The following NDUFB6 variants were observed in gnomAD, a reference collection of about 807,000 sequenced individuals.
The protein encoded by NDUFB6 is NADH dehydrogenase [ubiquinone] 1 beta subcomplex subunit 6.
In NDUFB6, 23 loss-of-function variants were observed where a neutral mutation model predicts 17.5. That is an observed-to-expected ratio of 1.31 (90% confidence interval 0.94 to 1.86). The LOEUF is 1.86. Among genes scored for constraint, NDUFB6 ranks in the 40% most tolerant of loss-of-function variants. NDUFB6 has a pLI of 0.00. For missense variants in NDUFB6, 167 were observed against 153.8 expected, an observed-to-expected ratio of 1.09 and a Z score of -0.46; for synonymous variants, 60 against 53.5, an observed-to-expected ratio of 1.12 and a Z score of -0.53.
intron 2 of NDUFB6, among the ~76,000 whole-genome samples, chr9:32,560,839 T>C (rs1821604610): frequency 1.3e-5 from 2 of 152,188 alleles, no homozygotes; most frequent in African/African-American, 2.4e-5. Flanking sequence ...AATAGAATTT[T>C]AAAACTGAAT....
intron 1 of NDUFB6, among the ~76,000 whole-genome samples, chr9:32,572,547 G>A (rs1045417998): frequency 1.3e-5 from 2 of 152,150 alleles, no homozygotes. Context: ...TTAAATCACA[G>A]AATTTTAATT....
rs1441299943 is a variant in NDUFB6, at chr9:32,553,335, C to G, written c.*541G>C. ...TCCGCAGTAGCTGGGACTACAGGAG[C>G]CCGCCACCACGCCCGGCTAATTTTT... On this transcript the variant is annotated 3_prime_UTR_variant, in exon 4 of 4. Coordinates refer to ENST00000379847, the MANE Select transcript of NDUFB6 (RefSeq NM_002493.5). 2 of 168,968 alleles carry G rather than the reference C, an allele frequency of 1.2e-5. No homozygotes were observed. Among genetic ancestry groups the G allele is most frequent in the Admixed American group, 1.2e-4 (2 of 16,638 alleles). The allele number at this position is 168,968 out of a possible 1,614,324, so 10.5% of individuals were successfully genotyped here.
At chr9:32,557,747 G>A (rs950386098) in intron 3 of NDUFB6, among the ~76,000 whole-genome samples, 1 of 151,830 alleles carries the variant, frequency 6.6e-6, no homozygotes, top group African/African-American at 2.4e-5. Context: ...AAAGTGCTGG[G>A]ATTACACGCG....
At chr9:32,570,830 TA>T in intron 2 of NDUFB6, 129 bp downstream of exon 2, 1 of 561,798 alleles carries the variant, frequency 1.8e-6, no homozygotes, top group Non-Finnish European at 3.1e-6. Flanking sequence ...ACCTTTTACC[TA>T]AGAGAATTCA....
rs1238954591 is a variant in NDUFB6, at chr9:32,572,272, A to T, written c.180+609T>A. On this transcript the variant is annotated intron_variant, in intron 1 of 3. Transcript: ENST00000379847. ...GAAAATACCCAGAGGCCTTGAAAAT[A>T]AAGTTCTTGAATGAGTGATTTTCTT... is the stretch of plus-strand genomic sequence containing the variant. 5.9e-5 allele frequency among the ~76,000 whole-genome samples: 9 copies of T among 152,378 alleles called. No homozygotes were observed. The South Asian group carries it at 1.9e-3, about 32-fold the overall frequency.
rs560477530 is a variant in NDUFB6 at position 32,566,232 on chromosome 9, G to A, written c.273+4728C>T. Reference sequence around the variant, plus strand: ...TGTTCAGGTCATAGCTGGTTTTGTGGGTGGTTTTCTTATGGCAGACAACAC... The same window carrying A: ...TGTTCAGGTCATAGCTGGTTTTGTGAGTGGTTTTCTTATGGCAGACAACAC... On this transcript the variant is annotated intron_variant, in intron 2 of 3. Coordinates refer to ENST00000379847, the MANE Select transcript of NDUFB6 (RefSeq NM_002493.5). The A allele has an allele frequency of 1.1e-4, 96 of 904,430 alleles. No homozygotes were observed. In the African/African-American group the frequency reaches 1.2e-3, roughly 11 times the overall value. 56.0% of individuals were successfully genotyped at this position (904,430 alleles called of 1,614,324 possible).
At position 32,563,979 on chromosome 9, in the gene NDUFB6, G is replaced by A. The variant is rs375983975; in HGVS notation, c.274-5025C>T. Among the ~76,000 whole-genome samples, 8 of 152,042 alleles carry A rather than the reference G, an allele frequency of 5.3e-5. No homozygotes were observed. The East Asian group carries it at 7.7e-4, about 15-fold the overall frequency. ...CTCATCTTATACTTTCTCTCCTCCCGCCCTAGAATTGGCCACTGCTCTGAG... is the reference window on the plus strand; with the variant it reads ...CTCATCTTATACTTTCTCTCCTCCCACCCTAGAATTGGCCACTGCTCTGAG... On this transcript the variant is annotated intron_variant, in intron 2 of 3. Coordinates refer to ENST00000379847, the MANE Select transcript of NDUFB6 (RefSeq NM_002493.5).
At chr9:32,562,710 GATCAGGAAATTAACACTC>G (rs1821659738) in intron 2 of NDUFB6, among the ~76,000 whole-genome samples, 3 of 152,084 alleles carry the variant, frequency 2.0e-5, no homozygotes, top group African/African-American at 7.2e-5. Flanking sequence ...CAACTATCAA[GATCAGGAAATTAACACTC>G]ATACATTACT....
intron 2 of NDUFB6, chr9:32,566,279 A>G: frequency 8.7e-7 from 1 of 1,149,050 alleles, no homozygotes; most frequent in South Asian, 1.2e-5. Context: ...TCTCTGAGGT[A>G]GAAAGCAGGC....
chr9:32,559,026 C>T (rs897267702), intron 2 of NDUFB6, 72 bp from the exon 3 acceptor site: 19 of 1,093,968 alleles, frequency 1.7e-5, no homozygotes, highest in Non-Finnish European at 2.6e-5. Context: ...ATAGGTCATA[C>T]CCCAAATTTT....
Position 32,553,167 on chromosome 9 carries a change from G to T in NDUFB6, c.*709C>A. ...TAGTTGGAATAAGCTTTTCAATCAAGTTTCTAAATTCTTCAAAAATGATTC... is the reference window on the plus strand; with the variant it reads ...TAGTTGGAATAAGCTTTTCAATCAATTTTCTAAATTCTTCAAAAATGATTC... On this transcript the variant is annotated 3_prime_UTR_variant, in exon 4 of 4. Coordinates refer to ENST00000379847, the MANE Select transcript of NDUFB6 (RefSeq NM_002493.5). 3.7e-5 allele frequency: 13 copies of T among 354,112 alleles called. No homozygotes were observed. Among genetic ancestry groups the T allele is most frequent in the South Asian group, 3.1e-4 (5 of 16,082 alleles). 21.9% of individuals were successfully genotyped at this position (354,112 alleles called of 1,614,324 possible).
At chr9:32,566,410 A>T in intron 2 of NDUFB6, 2 of 892,548 alleles carry the variant, frequency 2.2e-6, no homozygotes, top group South Asian at 2.6e-5. Context: ...CCAGAAGAGG[A>T]GCCTGCTCTC....
chr9:32,555,628 CAT>C (rs1170105784), intron 3 of NDUFB6, among the ~76,000 whole-genome samples: 2 of 152,214 alleles, frequency 1.3e-5, no homozygotes, highest in Admixed American at 6.5e-5. Context: ...ACAAACCAAA[CAT>C]ATAGTTTACA....
At chr9:32,553,983 G>A (rs1429989477) in intron 3 of NDUFB6, 39 bp from the exon 4 acceptor site, 1 of 1,279,726 alleles carries the variant, frequency 7.8e-7, no homozygotes, top group Non-Finnish European at 1.1e-6. Flanking sequence ...AAAATCTTAA[G>A]TCTACAGAGG....
chr9:32,565,238 A>G (rs1327568431), intron 2 of NDUFB6, among the ~76,000 whole-genome samples: 1 of 151,944 alleles, frequency 6.6e-6, no homozygotes, highest in Admixed American at 6.6e-5. Context: ...GGTCGCAGTG[A>G]GCCGAGATCG....
At chr9:32,569,205 A>G (rs1159182577) in intron 2 of NDUFB6, among the ~76,000 whole-genome samples, 1 of 152,010 alleles carries the variant, frequency 6.6e-6, no homozygotes, top group Non-Finnish European at 1.5e-5. Context: ...ATTTTTTAGC[A>G]ATGAAGTTTT....
At chr9:32,569,363 C>T (rs1297388475) in intron 2 of NDUFB6, among the ~76,000 whole-genome samples, 3 of 152,076 alleles carry the variant, frequency 2.0e-5, no homozygotes, top group Non-Finnish European at 4.4e-5. Flanking sequence ...GGACTACAGG[C>T]GCCCGCCACC....
chr9:32,572,587 G>C (rs537919682), intron 1 of NDUFB6, among the ~76,000 whole-genome samples: 4 of 152,328 alleles, frequency 2.6e-5, no homozygotes, highest in Non-Finnish European at 5.9e-5. Flanking sequence ...TATTCTGAGG[G>C]AAGATTTCTA....
chr9:32,567,124 C>T (rs1821819783), intron 2 of NDUFB6: 1 of 480,556 alleles, frequency 2.1e-6, no homozygotes, highest in South Asian at 1.5e-5. Context: ...GCTTCTGGAG[C>T]ACTGCAGATG....
Sources: allele counts gnomAD v4.1 joint callset (sites outside exome capture counted in the v4.1 genomes callset), GRCh38; gene constraint gnomAD v4.1.1; transcripts MANE v1.5; gene names NCBI Gene and HGNC (gene_info 2026-07-23, HGNC 2026-07-21).